TXNDC16: variants seen among roughly 807,000 people sequenced by gnomAD.
The protein encoded by TXNDC16 is thioredoxin domain-containing protein 16.
A neutral mutation model predicts 85.6 loss-of-function variants in TXNDC16; 74 were observed. The ratio of observed to expected loss-of-function variants is 0.86; its 90% confidence interval spans 0.72 to 1.05. The LOEUF (loss-of-function observed/expected upper bound fraction) is 1.05, where lower values mean the gene tolerates loss of function less well. Ranked by LOEUF, TXNDC16 falls within the 50% of genes least tolerant of loss-of-function variation. The pLI is 0.00. For synonymous variants in TXNDC16, 335 were observed against 326.5 expected (o/e 1.03, Z -0.28); for missense variants, 959 against 947.0 (o/e 1.01, Z -0.17).
In TXNDC16 at chr14:52,493,193, C is replaced by CTATATATATA. The variant is rs555994196; in HGVS notation, c.757-2198_757-2189dup. ...TAAAATGTGAACACATGTCACTGTT[C>CTATATATATA]TATATATATATATATATATATATAC... On this transcript the variant is annotated intron_variant, in intron 9 of 20. Transcript: ENST00000281741. 9.6e-4 allele frequency among the ~76,000 whole-genome samples: 121 copies of CTATATATATA among 126,182 alleles called. 1 individual carries two copies. The highest frequency in any genetic ancestry group is 3.7e-3 in the African/African-American group (112 of 30,620). The allele number at this position is 126,182 out of a possible 152,430, so 82.8% of individuals were successfully genotyped here.
At chr14:52,453,374 C>T (rs964978834) in intron 18 of TXNDC16, among the ~76,000 whole-genome samples, 6 of 152,108 alleles carry the variant, frequency 3.9e-5, no homozygotes, top group Non-Finnish European at 8.8e-5. Flanking sequence ...TATCTGCACT[C>T]GCAGATTTAT....
chr14:52,467,612 A>T (rs2140128862), intron 16 of TXNDC16, among the ~76,000 whole-genome samples: 1 of 152,308 alleles, frequency 6.6e-6, no homozygotes, highest in South Asian at 2.1e-4. Flanking sequence ...ATTGGCAAGG[A>T]TGTTAAAGTC....
chr14:52,475,418 T>C (rs1376656125), intron 14 of TXNDC16, among the ~76,000 whole-genome samples: 2 of 152,142 alleles, frequency 1.3e-5, no homozygotes, highest in African/African-American at 4.8e-5. Flanking sequence ...GCAGGTAGCC[T>C]GGGGCAGGTT....
chr14:52,548,025 A>G (rs1458283361), intron 1 of TXNDC16, among the ~76,000 whole-genome samples: 2 of 152,206 alleles, frequency 1.3e-5, no homozygotes, highest in African/African-American at 2.4e-5. Flanking sequence ...GAGTCAGTAT[A>G]CATGTGCAAT....
intron 20 of TXNDC16, among the ~76,000 whole-genome samples, chr14:52,438,934 A>G (rs1164581757): frequency 2.0e-5 from 3 of 152,194 alleles, no homozygotes; most frequent in African/African-American, 7.2e-5. Flanking sequence ...TTAATGGCAT[A>G]AATTACCAAA....
At chr14:52,530,026 A>T (rs1304281246) in intron 6 of TXNDC16, among the ~76,000 whole-genome samples, 2 of 89,326 alleles carry the variant, frequency 2.2e-5, no homozygotes, top group Non-Finnish European at 3.9e-5. Flanking sequence ...ATTATATGTT[A>T]TAATTATTTT....
intron 6 of TXNDC16, among the ~76,000 whole-genome samples, chr14:52,532,183 AG>A (rs2037596213): frequency 6.6e-6 from 1 of 152,152 alleles, no homozygotes; most frequent in Non-Finnish European, 1.5e-5. Flanking sequence ...GCTTTATATA[AG>A]GAGAGCTCCT....
chr14:52,453,722 T>C (rs1594690479), intron 18 of TXNDC16, among the ~76,000 whole-genome samples: 1 of 152,154 alleles, frequency 6.6e-6, no homozygotes, highest in Admixed American at 6.6e-5. Context: ...GATATCCATA[T>C]GCTGAATGAA....
At chr14:52,508,159 C>T (rs2140178289) in intron 9 of TXNDC16, among the ~76,000 whole-genome samples, 2 of 152,226 alleles carry the variant, frequency 1.3e-5, no homozygotes, top group Middle Eastern at 6.8e-3. Flanking sequence ...TTTTTGCAAT[C>T]TACTCATCTG....
chr14:52,483,082 CTATCT>C (rs2036187147), intron 12 of TXNDC16, 117 bp from the exon 13 acceptor site: 7 of 860,396 alleles, frequency 8.1e-6, no homozygotes, highest in African/African-American at 3.5e-5. Flanking sequence ...TGAATTCATC[CTATCT>C]TAATAGTTAG....
intron 11 of TXNDC16, among the ~76,000 whole-genome samples, 167 bp from the exon 12 acceptor site, chr14:52,488,653 T>C: frequency 6.6e-6 from 1 of 151,736 alleles, no homozygotes; most frequent in Non-Finnish European, 1.5e-5. Context: ...CTGGCCAACA[T>C]GGTGAAACTG....
At chr14:52,437,692 A>G (rs2035061831) in intron 20 of TXNDC16, among the ~76,000 whole-genome samples, 1 of 152,222 alleles carries the variant, frequency 6.6e-6, no homozygotes, top group Non-Finnish European at 1.5e-5. Flanking sequence ...GCCAGAGAAT[A>G]TAAGGAGCTC....
At chr14:52,445,490 T>C (rs1272352781) in intron 18 of TXNDC16, among the ~76,000 whole-genome samples, 1 of 152,180 alleles carries the variant, frequency 6.6e-6, no homozygotes, top group African/African-American at 2.4e-5. Flanking sequence ...TTGAGTCACT[T>C]CAGAAATGTA....
intron 6 of TXNDC16, among the ~76,000 whole-genome samples, chr14:52,531,344 T>C (rs2037575564): frequency 6.6e-6 from 1 of 152,138 alleles, no homozygotes; most frequent in African/African-American, 2.4e-5. Flanking sequence ...GTTGGAAACT[T>C]AGGACCACAC....
intron 18 of TXNDC16, among the ~76,000 whole-genome samples, chr14:52,452,657 C>G (rs2035439215): frequency 6.6e-6 from 1 of 152,154 alleles, no homozygotes; most frequent in South Asian, 2.1e-4. Flanking sequence ...GCCCCTATCT[C>G]TCATCATATA....
intron 6 of TXNDC16, among the ~76,000 whole-genome samples, chr14:52,530,252 A>AATTATATATAT (rs1566581807): frequency 5.3e-5 from 2 of 37,572 alleles, no homozygotes; most frequent in African/African-American, 3.5e-4. Flanking sequence ...TATATAATAT[A>AATTATATATAT]TATTATATAA....
chr14:52,439,343 C>G lies in TXNDC16; in HGVS notation c.2055G>C (p.Leu685=). The change falls in exon 20 of 21, where the codon CTG becomes CTC. Residue 685 remains leucine, a synonymous_variant. Transcript: ENST00000281741. ...CCAAAACAAGAAGAGGAAGGGGAGG[C>G]AGAGGATCAAAATATGCCCTCAAGA... The part of the protein sequence containing the change: ...RGILRAYFDP[L]PPLPLLVLVN... The G allele has an allele frequency of 6.2e-7, 1 of 1,613,966 alleles. No individual in the cohort carries two copies. The highest frequency in any genetic ancestry group is 8.5e-7 in the Non-Finnish European group (1 of 1,179,948).
chr14:52,488,022 T>C (rs1038894118), intron 12 of TXNDC16, among the ~76,000 whole-genome samples: 13 of 152,222 alleles, frequency 8.5e-5, no homozygotes, highest in African/African-American at 2.9e-4. Context: ...ATAAAAATAG[T>C]AACAATGAAT....
chr14:52,488,838 A>AAAAAAAC, intron 11 of TXNDC16, among the ~76,000 whole-genome samples: 1 of 151,574 alleles, frequency 6.6e-6, no homozygotes, highest in African/African-American at 2.4e-5. Flanking sequence ...TGGGAAAAAA[A>AAAAAAAC]AAAAAAAAAA....
Sources: gnomAD v4.1 joint callset for allele counts (sites outside exome capture counted in the v4.1 genomes callset) on GRCh38, gnomAD v4.1.1 for gene constraint, MANE v1.5 for transcripts, NCBI Gene and HGNC (gene_info 2026-07-23, HGNC 2026-07-21) for gene names.